ATP11B: variants seen among roughly 807,000 people sequenced by gnomAD.
The protein encoded by ATP11B is ATPase phospholipid transporting 11B (putative), also known as phospholipid-transporting ATPase IF.
In ATP11B, 81 loss-of-function variants were observed where a neutral mutation model predicts 157.8. That is an observed-to-expected ratio of 0.51 (90% CI 0.43 to 0.62). ATP11B has a LOEUF of 0.62. Ranked by LOEUF, ATP11B falls within the 20% of genes least tolerant of loss-of-function variation. The pLI, the probability that ATP11B is intolerant of heterozygous loss-of-function variation, is 0.00. For missense variants in ATP11B, 1,165 were observed against 1,402.2 expected (o/e 0.83, Z 2.70); for synonymous variants, 451 against 469.4 (o/e 0.96, Z 0.51).
chr3:182,900,475 A>G (rs1159843660), intron 28 of ATP11B, among the ~76,000 whole-genome samples: 2 of 152,204 alleles, frequency 1.3e-5, no homozygotes, highest in Non-Finnish European at 2.9e-5. Context: ...AACAATTTGC[A>G]TAATCTGATT....
chr3:182,893,064 T>C (rs1430508949), intron 25 of ATP11B, among the ~76,000 whole-genome samples: 1 of 152,230 alleles, frequency 6.6e-6, no homozygotes, highest in Non-Finnish European at 1.5e-5. Context: ...TAAGTATTAG[T>C]TAAAAAGTAG....
intron 2 of ATP11B, among the ~76,000 whole-genome samples, chr3:182,823,042 A>C (rs940322194): frequency 6.6e-6 from 1 of 152,058 alleles, no homozygotes; most frequent in Non-Finnish European, 1.5e-5. Context: ...AGATTGTAAA[A>C]ATTTTCTCCC....
At position 182,819,032 on chromosome 3, in the gene ATP11B, T is replaced by C. The variant is rs530043233; in HGVS notation, c.28-1228T>C. 3.3e-5 allele frequency among the ~76,000 whole-genome samples: 5 copies of C among 151,498 alleles called. No individual in the cohort carries two copies. The South Asian group carries it at 1.0e-3, about 31-fold the overall frequency. On this transcript the variant is annotated intron_variant, in intron 1 of 29. Coordinates refer to ENST00000323116, the MANE Select transcript of ATP11B (RefSeq NM_014616.3). ...ATATTGCTTTCAGCCCATCAGTGGG[T>C]TCCCAAGATCTGCCAAAAGAGTCTT...
At chr3:182,812,133 G>T (rs985368754) in intron 1 of ATP11B, among the ~76,000 whole-genome samples, 2 of 151,948 alleles carry the variant, frequency 1.3e-5, no homozygotes, top group Non-Finnish European at 2.9e-5. Flanking sequence ...GAATTTTGTG[G>T]TGTACATTTG....
At chr3:182,873,589 G>A (rs1721820988) in intron 18 of ATP11B, among the ~76,000 whole-genome samples, 2 of 152,148 alleles carry the variant, frequency 1.3e-5, no homozygotes, top group African/African-American at 4.8e-5. Flanking sequence ...TGAAATTGTA[G>A]ATTTTAATTG....
Position 182,826,229 on chromosome 3 carries a change from T to G in ATP11B, c.145-1891T>G, listed in dbSNP as rs184430176. Among the ~76,000 whole-genome samples the G allele has an allele frequency of 4.7e-4, 72 of 152,346 alleles. 1 individual carries two copies. In the East Asian group the frequency reaches 0.013, roughly 29 times the overall value. The stretch of plus-strand genomic sequence containing the variant: ...CTAGAAACAATTTCTACCATTTATG[T>G]GCTAGTTTTCATAAGAAATTTTTAT... On this transcript the variant is annotated intron_variant, in intron 2 of 29. Coordinates refer to ENST00000323116, the MANE Select transcript of ATP11B (RefSeq NM_014616.3).
Position 182,805,386 on chromosome 3 carries a change from A to AT in ATP11B, c.27+11608dup, listed in dbSNP as rs1384544668. On this transcript the variant is annotated intron_variant, in intron 1 of 29. Transcript: ENST00000323116. ...CTTCCCTAATGACTAATGATATCCA[A>AT]TTTTTTTTATGTACCTGTTGGCCAT... Among the ~76,000 whole-genome samples, 30 of 150,622 alleles carry AT rather than the reference A, an allele frequency of 2.0e-4. No individual in the cohort carries two copies. The East Asian group carries it at 5.3e-3, about 26-fold the overall frequency.
chr3:182,841,989 A>AC (rs1463803828), intron 7 of ATP11B, 86 bp from the exon 8 acceptor site: 7 of 860,704 alleles, frequency 8.1e-6, no homozygotes, highest in Admixed American at 5.0e-5. Flanking sequence ...AAAAAAAAAA[A>AC]AAAAAAAACA....
At chr3:182,842,032 A>G (rs1396287553) in intron 7 of ATP11B, 43 bp from the exon 8 acceptor site, 6 of 1,346,986 alleles carry the variant, frequency 4.5e-6, no homozygotes, top group East Asian at 2.3e-5. Context: ...CATTGATGTC[A>G]TAAGTGATAT....
chr3:182,918,048 T>C lies in ATP11B; in HGVS notation c.3478T>C (p.Tyr1160His), dbSNP rs773960894. Residue 1160 changes from tyrosine to histidine, a missense_variant, in exon 30 of 30, where the codon TAT becomes CAT. Coordinates refer to ENST00000323116, the MANE Select transcript of ATP11B (RefSeq NM_014616.3). ...SRSWSASDPF[Y>H]TNDRSILTLS... ...ATCATGGAGTGCATCGGATCCTTTCTATACCAACGACAGGAGCATCTTGAC... is the reference window on the plus strand; with the variant it reads ...ATCATGGAGTGCATCGGATCCTTTCCATACCAACGACAGGAGCATCTTGAC... 1 of 1,613,502 alleles carries C rather than the reference T, an allele frequency of 6.2e-7. No individual in the cohort carries two copies. Among genetic ancestry groups the C allele is most frequent in the Non-Finnish European group, 8.5e-7 (1 of 1,179,574 alleles).
chr3:182,877,471 G>A (rs759851721), intron 19 of ATP11B, among the ~76,000 whole-genome samples: 4 of 152,088 alleles, frequency 2.6e-5, no homozygotes, highest in Admixed American at 6.6e-5. Flanking sequence ...GTGAAACCCC[G>A]TCTCTACAAA....
At chr3:182,897,945 C>A (rs1378763267) in intron 27 of ATP11B, among the ~76,000 whole-genome samples, 1 of 151,920 alleles carries the variant, frequency 6.6e-6, no homozygotes, top group East Asian at 1.9e-4. Context: ...AAGTGATGGA[C>A]AACTGAGGGC....
rs2108579861 is a variant in ATP11B at position 182,898,595 on chromosome 3, C to T, written c.3153-12C>T. On this transcript the variant is annotated splice_polypyrimidine_tract_variant and intron_variant, in intron 27 of 29. Transcript: ENST00000323116. ...TTTCCACTTTTATTAAGCACATTTT[C>T]TTTCTTTGCAGGCCATTTTTGGGCT... The T allele has an allele frequency of 1.9e-6, 3 of 1,575,836 alleles. No homozygotes were observed. The highest frequency in any genetic ancestry group is 1.7e-4 in the Middle Eastern group (1 of 5,956).
At chr3:182,859,536 A>G (rs944528844) in intron 12 of ATP11B, among the ~76,000 whole-genome samples, 177 bp downstream of exon 12, 2 of 151,950 alleles carry the variant, frequency 1.3e-5, no homozygotes, top group East Asian at 1.9e-4. Flanking sequence ...GTTATTTACC[A>G]CTATATTTCT....
chr3:182,836,002 A>C, intron 4 of ATP11B, 33 bp from the exon 5 acceptor site: 2 of 1,543,994 alleles, frequency 1.3e-6, no homozygotes, highest in Non-Finnish European at 1.8e-6. Context: ...AATTATACTG[A>C]AAAATTATTT....
At chr3:182,895,915 G>A (rs1042779446) in intron 25 of ATP11B, among the ~76,000 whole-genome samples, 1 of 152,158 alleles carries the variant, frequency 6.6e-6, no homozygotes, top group African/African-American at 2.4e-5. Context: ...TTCTTTAGTG[G>A]TCAGGTGGTT....
At chr3:182,879,391 G>A in intron 19 of ATP11B, 105 bp from the exon 20 acceptor site, 2 of 973,510 alleles carry the variant, frequency 2.1e-6, no homozygotes, top group South Asian at 4.7e-5. Flanking sequence ...AGTAAGGGCT[G>A]TGGGTAAAAG....
intron 4 of ATP11B, among the ~76,000 whole-genome samples, chr3:182,832,020 A>G (rs1718187350): frequency 6.6e-6 from 1 of 152,190 alleles, no homozygotes; most frequent in African/African-American, 2.4e-5. Context: ...AAAATGTTGC[A>G]ATACCTCTTG....
At chr3:182,798,770 T>A (rs898460478) in intron 1 of ATP11B, among the ~76,000 whole-genome samples, 1 of 152,254 alleles carries the variant, frequency 6.6e-6, no homozygotes, top group African/African-American at 2.4e-5. Flanking sequence ...GAATGAAATA[T>A]GCAGTGGATC....
Sources: allele counts gnomAD v4.1 joint callset (sites outside exome capture counted in the v4.1 genomes callset), GRCh38; gene constraint gnomAD v4.1.1; transcripts MANE v1.5; gene names NCBI Gene and HGNC (gene_info 2026-07-23, HGNC 2026-07-21).